Variants in TTN observed in about 807,000 individuals in gnomAD.
The protein encoded by TTN is titin.
TTN carries 1,525 observed loss-of-function variants against 3,223.0 expected under a neutral mutation model. The ratio of observed to expected loss-of-function variants is 0.47; its 90% CI spans 0.45 to 0.49. The LOEUF is 0.49. TTN is among the 20% of genes least tolerant of loss of function. TTN has a pLI of 0.00. For synonymous variants in TTN, 14,094 were observed against 15,161.0 expected, an observed-to-expected ratio of 0.93 and a Z score of 5.17; for missense variants, 40,786 against 43,424.0, an observed-to-expected ratio of 0.94 and a Z score of 5.40.
Position 178,557,803 on chromosome 2 carries a change from A to C in TTN, c.87551T>G (p.Val29184Gly). ...AACTGTTGCAGACACTTCAGTCCACACTGCAGTACTTGTTTCTCTTTTGAG... is the reference window on the plus strand; with the variant it reads ...AACTGTTGCAGACACTTCAGTCCACCCTGCAGTACTTGTTTCTCTTTTGAG... ...ILLKRETSTA[V>G]WTEVSATVAR... Residue 29184 changes from valine (V) to glycine (G), a missense_variant, in exon 328 of 363, where the codon GTG becomes GGG. Physicochemically the swap from Val to Gly is moderately radical, Grantham distance 109. Transcript: ENST00000589042. 2 of 1,613,944 alleles carry C rather than the reference A, an allele frequency of 1.2e-6. No homozygotes were observed. Among genetic ancestry groups the C allele is most frequent in the African/African-American group, 2.7e-5 (2 of 75,046 alleles).
In TTN at chr2:178,564,389, CT is replaced by C. The variant is rs1704878004; in HGVS notation, c.81742del (p.Arg27248GlufsTer102). ...TTCACTAAAGTTTCCAGCTGCATTT[CT>C]TGCAATTACTCTAAATTCATATCTT... The part of the protein sequence containing the change: ...DQRYEFRVIA[R>X]NAAGNFSEPS... On this transcript the variant is annotated frameshift_variant, in exon 326 of 363. Transcript: ENST00000589042. LOFTEE classifies it high-confidence loss of function. 1 of 1,613,496 alleles carries C rather than the reference CT, an allele frequency of 6.2e-7. No homozygotes were observed. Among genetic ancestry groups the C allele is most frequent in the Non-Finnish European group, 8.5e-7 (1 of 1,179,756 alleles).
At position 178,538,604 on chromosome 2, in the gene TTN, A is replaced by G; in HGVS notation, c.99225T>C (p.Ala33075=). Residue 33075 remains alanine, a synonymous_variant, in exon 354 of 363, where the codon GCT becomes GCC. Coordinates refer to ENST00000589042, the MANE Select transcript of TTN (RefSeq NM_001267550.2). ...EATEYEFRVF[A]ENETGLSRPR... Reference sequence around the variant, plus strand: ...GTCTGCTCAGCCCAGTCTCATTCTCAGCAAAAACCCTGAATTCATACTCAG... The same window carrying G: ...GTCTGCTCAGCCCAGTCTCATTCTCGGCAAAAACCCTGAATTCATACTCAG... 1 of 1,613,726 alleles carries G rather than the reference A, an allele frequency of 6.2e-7. No homozygotes were observed. The highest frequency in any genetic ancestry group is 8.5e-7 in the Non-Finnish European group (1 of 1,179,708).
rs13011633 is a variant in TTN, at chr2:178,771,192, C to T, written c.8116+19G>A. The T allele has an allele frequency of 0.031, 49,743 of 1,613,536 alleles. 929 individuals carry two copies. The highest frequency in any genetic ancestry group is 0.045 in the Middle Eastern group (261 of 5,754). On this transcript the variant is annotated intron_variant, in intron 34 of 362. Transcript: ENST00000589042. ...AGATTGTAATATGATTTGAAAAGGACAAATCCTATGTTACTTGCCTTCAAC... is the reference window on the plus strand; with the variant it reads ...AGATTGTAATATGATTTGAAAAGGATAAATCCTATGTTACTTGCCTTCAAC...
At chr2:178,637,800 T>G (rs1008619554) in intron 223 of TTN, among the ~76,000 whole-genome samples, 1 of 152,018 alleles carries the variant, frequency 6.6e-6, no homozygotes, top group Non-Finnish European at 1.5e-5. Context: ...AATAAATCAG[T>G]GTAGGGAAAA....
At chr2:178,806,022 T>C (rs1418472658) in intron 1 of TTN, among the ~76,000 whole-genome samples, 1 of 152,212 alleles carries the variant, frequency 6.6e-6, no homozygotes, top group Non-Finnish European at 1.5e-5. Context: ...AATCACTTCA[T>C]TACTATTTTT....
In TTN at chr2:178,569,774, G is replaced by T. The variant is rs1272812744; in HGVS notation, c.76358C>A (p.Thr25453Lys). The change falls in exon 326 of 363, where the codon ACA becomes AAA. Residue 25453 changes from threonine (T) to lysine (K), a missense_variant. By Grantham distance (78) the Thr-to-Lys change is moderately conservative. Coordinates refer to ENST00000589042, the MANE Select transcript of TTN (RefSeq NM_001267550.2). ...EKCDVSVGEW[T>K]MCTPPTGINK... The stretch of plus-strand genomic sequence containing the variant: ...AATTCCTGTTGGTGGAGTGCACATT[G>T]TCCATTCACCAACACTCACATCACA... 1.9e-6 allele frequency: 3 copies of T among 1,613,044 alleles called. No individual in the cohort carries two copies. Among genetic ancestry groups the T allele is most frequent in the African/African-American group, 1.3e-5 (1 of 74,848 alleles).
chr2:178,553,526 G>A lies in TTN; in HGVS notation c.89479C>T (p.Pro29827Ser). The change falls in exon 334 of 363, where the codon CCT (proline) becomes TCT (serine). Residue 29827 changes from proline (P) to serine (S), a missense_variant. Pro to Ser is a moderately conservative substitution (Grantham distance 74). Coordinates refer to ENST00000589042, the MANE Select transcript of TTN (RefSeq NM_001267550.2). ...GQGEPIEMNEPVQAKDILEAP... is the reference protein window; with the variant it reads ...GQGEPIEMNESVQAKDILEAP... The stretch of plus-strand genomic sequence containing the variant: ...CCAAGTATATCTTTAGCTTGTACAG[G>A]TTCATTCATTTCTATAGGTTCTCCT... 6.2e-7 allele frequency: 1 copy of A among 1,613,174 alleles called. No homozygotes were observed. The highest frequency in any genetic ancestry group is 2.2e-5 in the East Asian group (1 of 44,876).
chr2:178,632,467 T>A, intron 235 of TTN, 54 bp from the exon 236 acceptor site: 1 of 1,586,170 alleles, frequency 6.3e-7, no homozygotes, highest in Non-Finnish European at 8.5e-7. Context: ...AAAGAAGAAA[T>A]ATAAAACTAA....
In TTN at chr2:178,584,389, C is replaced by T. The variant is rs778573828; in HGVS notation, c.65162G>A (p.Cys21721Tyr). The T allele has an allele frequency of 6.2e-7, 1 of 1,613,304 alleles. No individual in the cohort carries two copies. The highest frequency in any genetic ancestry group is 1.1e-5 in the South Asian group (1 of 91,042). Residue 21721 changes from cysteine (C) to tyrosine (Y), a missense_variant, in exon 311 of 363, where the codon TGT becomes TAT. Transcript: ENST00000589042. The stretch of plus-strand genomic sequence containing the variant: ...CTCAAGACCTTCTACAAGGCCAGCA[C>T]AAGGATATTCAGTTGACCGGACAAG... ...DTLVRSTEYP[C>Y]AGLVEGLEYS...
intron 282 of TTN, 100 bp downstream of exon 282, chr2:178,603,776 A>T (rs2054094699): frequency 8.6e-7 from 1 of 1,159,164 alleles, no homozygotes; most frequent in African/African-American, 1.6e-5. Flanking sequence ...AATAAATAAA[A>T]TAATTTGGCA....
At position 178,527,196 on chromosome 2, in the gene TTN, GACC is replaced by G. The variant is rs746563181; in HGVS notation, c.107789_107791del (p.Trp35930del). 1.7e-5 allele frequency: 27 copies of G among 1,613,844 alleles called. No individual in the cohort carries two copies. ...ACTGTGGATTTTTCTTCCACCACAG[GACC>G]ATGTTACTTCTGGGGTAGGCTCACC... On this transcript the variant is annotated inframe_deletion, in exon 363 of 363. Coordinates refer to ENST00000589042, the MANE Select transcript of TTN (RefSeq NM_001267550.2).
chr2:178,569,592 G>A lies in TTN; in HGVS notation c.76540C>T (p.Leu25514=). ...KLEAPDIDLD[L]ELRKIINIRA... ...ATATTTATGATTTTCCTTAGTTCTA[G>A]GTCAAGATCAATGTCTGGTGCTTCT... The change falls in exon 326 of 363, where the codon CTA becomes TTA. Residue 25514 remains leucine (L), a synonymous_variant. Coordinates refer to ENST00000589042, the MANE Select transcript of TTN (RefSeq NM_001267550.2). 6.2e-7 allele frequency: 1 copy of A among 1,612,668 alleles called. No homozygotes were observed.
chr2:178,539,857 A>G lies in TTN; in HGVS notation c.98208T>C (p.Cys32736=), dbSNP rs921383690. Residue 32736 remains cysteine, a synonymous_variant, in exon 352 of 363, where the codon TGT becomes TGC. Coordinates refer to ENST00000589042, the MANE Select transcript of TTN (RefSeq NM_001267550.2). ...IPIKGKPFPI[C]KWTKEGQDIS... ...TATCCTGGCCTTCCTTGGTCCATTT[A>G]CATATTGGGAATGGTTTTCCTTTGA... 2.5e-6 allele frequency: 4 copies of G among 1,613,710 alleles called. No homozygotes were observed. In the Middle Eastern group the frequency reaches 6.6e-4, roughly 266 times the overall value.
intron 98 of TTN, 48 bp from the exon 99 acceptor site, chr2:178,709,904 A>G (rs1352123350): frequency 1.3e-6 from 2 of 1,535,226 alleles, no homozygotes; most frequent in Non-Finnish European, 1.8e-6. Flanking sequence ...GAAGCAGATT[A>G]CTAATATGAA....
rs772444991 is a variant in TTN at position 178,749,507 on chromosome 2, G to A, written c.11311+3617C>T. The A allele has an allele frequency of 1.9e-6, 3 of 1,612,792 alleles. No individual in the cohort carries two copies. In the South Asian group the frequency reaches 3.3e-5, roughly 18 times the overall value. ...CCTTACTGAATATTCTTTTACATTT[G>A]TCCAGGGAGTAAAGGGACCAGCTGG... On this transcript the variant is annotated intron_variant, in intron 47 of 362. Coordinates refer to ENST00000589042, the MANE Select transcript of TTN (RefSeq NM_001267550.2).
rs1417052657 is a variant in TTN, at chr2:178,635,265, G to A, written c.41924C>T (p.Thr13975Ile). Reference sequence around the variant, plus strand: ...GCTTGCACTTTCTTTCTCATAAATGGTAACGTCCTCTATTGGTTTAAGCAG... The same window carrying A: ...GCTTGCACTTTCTTTCTCATAAATGATAACGTCCTCTATTGGTTTAAGCAG... ...VELLKPIEDVTIYEKESASFD... is the reference protein window; with the variant it reads ...VELLKPIEDVIIYEKESASFD... Residue 13975 changes from threonine to isoleucine, a missense_variant, in exon 228 of 363, where the codon ACC becomes ATC. By Grantham distance (89) the Thr-to-Ile change is moderately conservative. Coordinates refer to ENST00000589042, the MANE Select transcript of TTN (RefSeq NM_001267550.2). The A allele has an allele frequency of 1.2e-6, 2 of 1,613,104 alleles. No individual in the cohort carries two copies. Among genetic ancestry groups the A allele is most frequent in the African/African-American group, 2.7e-5 (2 of 74,850 alleles).
chr2:178,687,986 CT>C, intron 127 of TTN, 124 bp downstream of exon 127: 2 of 682,178 alleles, frequency 2.9e-6, no homozygotes, highest in Admixed American at 2.7e-5. Context: ...TTTAATGAGA[CT>C]GGTAGATGTT....
In TTN at chr2:178,646,491, C is replaced by T; in HGVS notation, c.40291G>A (p.Val13431Ile). 6.5e-7 allele frequency: 1 copy of T among 1,542,608 alleles called. No homozygotes were observed. Among genetic ancestry groups the T allele is most frequent in the South Asian group, 1.2e-5 (1 of 83,676 alleles). ...AGTCCACTGGATTGAATACCTTTTACTGGTATTTCTTCAGGCTGTGGTTCA... is the reference window on the plus strand; with the variant it reads ...AGTCCACTGGATTGAATACCTTTTATTGGTATTTCTTCAGGCTGTGGTTCA... ...EPEPQPEEIP[V>I]KEPEPEKVIE... The change falls in exon 216 of 363, where the codon GTA becomes ATA. Residue 13431 changes from valine (V) to isoleucine (I), a missense_variant. Coordinates refer to ENST00000589042, the MANE Select transcript of TTN (RefSeq NM_001267550.2).
At position 178,733,388 on chromosome 2, in the gene TTN, A is replaced by T; in HGVS notation, c.15905T>A (p.Val5302Asp). ...ACTTATTCGGTATTTTTTACTGGCG[A>T]CCAAGGGTCTCCCATCTTTGTACCA... is the stretch of plus-strand genomic sequence containing the variant. ...PKWYKDGRPL[V>D]ASKKYRISFK... The change falls in exon 54 of 363, where the codon GTC becomes GAC. Residue 5302 changes from valine (V) to aspartate (D), a missense_variant. Physicochemically the swap from Val to Asp is radical, Grantham distance 152. Transcript: ENST00000589042. 1 of 1,613,770 alleles carries T rather than the reference A, an allele frequency of 6.2e-7. No individual in the cohort carries two copies. The highest frequency in any genetic ancestry group is 8.5e-7 in the Non-Finnish European group (1 of 1,179,788).
Sources: allele counts gnomAD v4.1 joint callset (sites outside exome capture counted in the v4.1 genomes callset), GRCh38; gene constraint gnomAD v4.1.1; transcripts MANE v1.5; gene names NCBI Gene and HGNC (gene_info 2026-07-23, HGNC 2026-07-21).